The following LYST variants were observed in gnomAD, a reference collection of about 807,000 sequenced individuals.
LYST encodes the protein lysosomal trafficking regulator, also known as lysosomal-trafficking regulator.
Under a neutral mutation model 413.6 loss-of-function variants are expected in LYST, and 192 were observed. The observed-to-expected ratio is 0.46, with a 90% CI of 0.41 to 0.52. The LOEUF is 0.52. LYST is among the 20% of genes least tolerant of loss of function. LYST has a pLI of 0.00. For synonymous variants in LYST, 1,525 were observed against 1,567.3 expected (o/e 0.97, Z 0.64); for missense variants, 3,815 against 4,499.9 (o/e 0.85, Z 4.35).
intron 20 of LYST, among the ~76,000 whole-genome samples, chr1:235,768,082 C>T (rs1377949470): frequency 6.6e-6 from 1 of 151,452 alleles, no homozygotes; most frequent in Non-Finnish European, 1.5e-5. Context: ...CACTACGTTT[C>T]TCTGTCTTGG....
chr1:235,737,921 G>GGAGTGTA lies in LYST; in HGVS notation c.8359-3263_8359-3262insTACACTC. 6 of 1,176,872 alleles carry GGAGTGTA rather than the reference G, an allele frequency of 5.1e-6. No homozygotes were observed. In the Admixed American group the frequency reaches 1.3e-4, roughly 25 times the overall value. 72.9% of individuals were successfully genotyped at this position (1,176,872 alleles called of 1,614,324 possible). On this transcript the variant is annotated intron_variant, in intron 31 of 52. Coordinates refer to ENST00000389793, the MANE Select transcript of LYST (RefSeq NM_000081.4). ...TGCTGGAGCCGCTGCCGACGAGTCTGGATCTCACTGCCGCGTGCCCCAACA... is the reference window on the plus strand; with the variant it reads ...TGCTGGAGCCGCTGCCGACGAGTCTGGAGTGTAGATCTCACTGCCGCGTGCCCCAACA...
At chr1:235,766,917 C>CT (rs1298449990) in intron 20 of LYST, among the ~76,000 whole-genome samples, 1 of 151,950 alleles carries the variant, frequency 6.6e-6, no homozygotes, top group Middle Eastern at 3.2e-3. Context: ...GTTTACAAAG[C>CT]TTTTTTTCAC....
At chr1:235,731,556 A>ATTTTTTT (rs61633038) in intron 34 of LYST, among the ~76,000 whole-genome samples, 5 of 121,444 alleles carry the variant, frequency 4.1e-5, no homozygotes, top group Non-Finnish European at 6.8e-5. Context: ...CCCATTTTGC[A>ATTTTTTT]TTTTTTTTTT....
intron 50 of LYST, among the ~76,000 whole-genome samples, chr1:235,671,379 A>G (rs1346560132): frequency 6.6e-6 from 1 of 152,210 alleles, no homozygotes; most frequent in Admixed American, 6.5e-5. Flanking sequence ...TTTTTTCTGT[A>G]TCTTTTGAGA....
chr1:235,803,143 T>A, intron 7 of LYST, 79 bp from the exon 8 acceptor site: 1 of 1,125,838 alleles, frequency 8.9e-7, no homozygotes, highest in Non-Finnish European at 1.3e-6. Flanking sequence ...AAAGTCATGT[T>A]AAGGACAGTT....
At chr1:235,834,377 T>C (rs1676316874) in intron 1 of LYST, among the ~76,000 whole-genome samples, 1 of 152,162 alleles carries the variant, frequency 6.6e-6, no homozygotes. Flanking sequence ...TTATAAGTTT[T>C]AAAATCAGAT....
intron 45 of LYST, among the ~76,000 whole-genome samples, chr1:235,699,926 T>C (rs1448526471): frequency 6.6e-6 from 1 of 152,106 alleles, no homozygotes; most frequent in African/African-American, 2.4e-5. Flanking sequence ...ACTTAAGAAA[T>C]AACACCACAC....
rs878980397 is a variant in LYST at position 235,662,876 on chromosome 1, T to C, written c.*64A>G. The C allele has an allele frequency of 1.5e-5, 14 of 904,184 alleles. 1 individual carries two copies. In the South Asian group the frequency reaches 1.7e-4, roughly 11 times the overall value. 56.0% of individuals were successfully genotyped at this position (904,184 alleles called of 1,614,324 possible). A position where few individuals can be genotyped will look rare whatever the true frequency, so the allele number is the denominator to read the frequency against. On this transcript the variant is annotated 3_prime_UTR_variant, in exon 53 of 53. Coordinates refer to ENST00000389793, the MANE Select transcript of LYST (RefSeq NM_000081.4). ...TTCTTTAGGTTCAACCTCCTAAAAC[T>C]GGTGAAGTCAACAAATCTAGTTTGG...
chr1:235,810,492 T>C lies in LYST; in HGVS notation c.326A>G (p.Glu109Gly). ...PLSADIILTKEKNSSSQRSTQ... is the reference protein window; with the variant it reads ...PLSADIILTKGKNSSSQRSTQ... Reference sequence around the variant, plus strand: ...GGATCTTTGTGAACTTGAGTTCTTTTCTTTGGTCAGGATTATATCTGCTGA... The same window carrying C: ...GGATCTTTGTGAACTTGAGTTCTTTCCTTTGGTCAGGATTATATCTGCTGA... Residue 109 changes from glutamate (E) to glycine (G), a missense_variant, in exon 5 of 53, where the codon GAA (glutamate) becomes GGA (glycine). Glu to Gly is a moderately conservative substitution (Grantham distance 98). This residue lies in a region of LYST where 1,648 missense variants were observed against 1,810.3 expected (regional missense o/e 0.91). Coordinates refer to ENST00000389793, the MANE Select transcript of LYST (RefSeq NM_000081.4). 6.2e-7 allele frequency: 1 copy of C among 1,612,020 alleles called. No individual in the cohort carries two copies. The highest frequency in any genetic ancestry group is 1.3e-5 in the African/African-American group (1 of 74,946).
intron 2 of LYST, among the ~76,000 whole-genome samples, chr1:235,831,919 A>G (rs992469738): frequency 4.6e-5 from 7 of 152,212 alleles, no homozygotes; most frequent in African/African-American, 7.2e-5. Context: ...ATAATTACTT[A>G]GTACACCACT....
chr1:235,703,072 T>A, intron 44 of LYST, 95 bp from the exon 45 acceptor site: 3 of 926,260 alleles, frequency 3.2e-6, no homozygotes, highest in Non-Finnish European at 5.3e-6. Flanking sequence ...TGTTTTATAT[T>A]CTAGGTTATG....
At chr1:235,741,046 T>G (rs1665352781) in intron 31 of LYST, among the ~76,000 whole-genome samples, 1 of 152,244 alleles carries the variant, frequency 6.6e-6, no homozygotes, top group Non-Finnish European at 1.5e-5. Context: ...ATTTTTGAGA[T>G]ATGTTATATA....
chr1:235,755,451 T>C, intron 25 of LYST, 27 bp downstream of exon 25: 2 of 1,556,748 alleles, frequency 1.3e-6, no homozygotes, highest in South Asian at 1.1e-5. Flanking sequence ...AGATTCCCAA[T>C]TATAGTGGAG....
Position 235,782,135 on chromosome 1 carries a change from A to G in LYST, c.4863-48T>C, listed in dbSNP as rs779777730. On this transcript the variant is annotated intron_variant, in intron 14 of 52. Coordinates refer to ENST00000389793, the MANE Select transcript of LYST (RefSeq NM_000081.4). ...TTAAAGCAATGACTTTAGGAAGTCT[A>G]GTACTAAGTATTTTTAAAGTATGAA... 17 of 1,483,002 alleles carry G rather than the reference A, an allele frequency of 1.1e-5. No individual in the cohort carries two copies. In the South Asian group the frequency reaches 2.0e-4, roughly 17 times the overall value. The allele number at this position is 1,483,002 out of a possible 1,614,324, so 91.9% of individuals were successfully genotyped here.
chr1:235,756,567 C>G (rs988114938), intron 24 of LYST, among the ~76,000 whole-genome samples: 1 of 152,050 alleles, frequency 6.6e-6, no homozygotes, highest in Non-Finnish European at 1.5e-5. Context: ...TACCTACATC[C>G]AAGCAAACTA....
In LYST at chr1:235,830,215, A is replaced by G; in HGVS notation, c.192+11T>C. On this transcript the variant is annotated intron_variant, in intron 3 of 52. Transcript: ENST00000389793. ...ATTGATGAAAGTAAGTATTTGATAT[A>G]AAAATGTTACCTGATCAATTATAGA... The G allele has an allele frequency of 6.3e-7, 1 of 1,590,914 alleles. No individual in the cohort carries two copies. Among genetic ancestry groups the G allele is most frequent in the Admixed American group, 1.7e-5 (1 of 59,992 alleles).
At chr1:235,734,793 T>C (rs1664676086) in intron 31 of LYST, 134 bp from the exon 32 acceptor site, 1 of 614,052 alleles carries the variant, frequency 1.6e-6, no homozygotes, top group Admixed American at 2.9e-5. Flanking sequence ...ACAAAAGACA[T>C]TCTGAGGATA....
chr1:235,713,566 T>C (rs1352677393), intron 42 of LYST, among the ~76,000 whole-genome samples: 2 of 152,240 alleles, frequency 1.3e-5, no homozygotes. Flanking sequence ...CAGGGGTTAT[T>C]TGGCAATGTC....
chr1:235,804,716 T>G (rs767565425), intron 6 of LYST, 51 bp from the exon 7 acceptor site: 1 of 1,063,260 alleles, frequency 9.4e-7, no homozygotes, highest in Admixed American at 1.8e-5. Context: ...TTTAAAAAAC[T>G]AAATGATGAA....
Sources: gnomAD v4.1 joint callset for allele counts (sites outside exome capture counted in the v4.1 genomes callset) on GRCh38, gnomAD v4.1.1 for gene constraint, gnomAD v4.1.1 regional missense constraint, MANE v1.5 for transcripts, NCBI Gene and HGNC (gene_info 2026-07-23, HGNC 2026-07-21) for gene names.